KSR2: variants seen among roughly 807,000 people sequenced by gnomAD.
KSR2 encodes kinase suppressor of ras 2.
A neutral mutation model predicts 107.8 loss-of-function variants in KSR2; 25 were observed. That is an observed-to-expected ratio of 0.23 (90% confidence interval 0.17 to 0.32). The LOEUF is 0.32. KSR2 is among the 10% of genes least tolerant of loss of function. KSR2 has a pLI of 1.00. For missense variants in KSR2, 887 were observed against 1,268.9 expected, an observed-to-expected ratio of 0.70 and a Z score of 4.57; for synonymous variants, 480 against 507.0, an observed-to-expected ratio of 0.95 and a Z score of 0.71.
chr12:117,924,126 C>T (rs948638650), intron 1 of KSR2, among the ~76,000 whole-genome samples: 7 of 151,640 alleles, frequency 4.6e-5, no homozygotes, highest in African/African-American at 1.7e-4. Flanking sequence ...GATCCTCCCA[C>T]CTCGGCCTCC....
chr12:117,698,648 C>T (rs1229597335), intron 4 of KSR2, among the ~76,000 whole-genome samples: 1 of 152,042 alleles, frequency 6.6e-6, no homozygotes, highest in Non-Finnish European at 1.5e-5. Flanking sequence ...TTAATCATTA[C>T]ATCTGTCATC....
At chr12:117,517,809 GC>G (rs1389110596) in intron 14 of KSR2, 2 of 455,184 alleles carry the variant, frequency 4.4e-6, no homozygotes, top group South Asian at 1.6e-5. Flanking sequence ...ATGTGCTCAG[GC>G]CCCCCAACTC....
At chr12:117,898,835 A>G (rs1396708939) in intron 1 of KSR2, among the ~76,000 whole-genome samples, 1 of 152,212 alleles carries the variant, frequency 6.6e-6, no homozygotes, top group Admixed American at 6.5e-5. Context: ...ATAGAAAGAC[A>G]AACATCACAT....
intron 1 of KSR2, among the ~76,000 whole-genome samples, chr12:117,948,382 C>T (rs985895575): frequency 9.9e-5 from 15 of 151,744 alleles, no homozygotes; most frequent in East Asian, 7.7e-4. Context: ...CCCAGCTACT[C>T]GGGAGGCTGA....
At chr12:117,957,768 C>CACAA (rs1157018773) in intron 1 of KSR2, among the ~76,000 whole-genome samples, 6 of 150,814 alleles carry the variant, frequency 4.0e-5, no homozygotes, top group Non-Finnish European at 8.9e-5. Context: ...CACACACACA[C>CACAA]ACACGCACAC....
At chr12:117,694,399 C>T (rs1885963415) in intron 4 of KSR2, among the ~76,000 whole-genome samples, 1 of 152,158 alleles carries the variant, frequency 6.6e-6, no homozygotes, top group Non-Finnish European at 1.5e-5. Flanking sequence ...GACTTTGCTC[C>T]TCCTTTGTCT....
chr12:117,764,458 C>G (rs1261380352), intron 3 of KSR2, among the ~76,000 whole-genome samples: 1 of 152,018 alleles, frequency 6.6e-6, no homozygotes, highest in Non-Finnish European at 1.5e-5. Context: ...TAACTGGCAG[C>G]CAGATTCAAA....
intron 3 of KSR2, among the ~76,000 whole-genome samples, chr12:117,833,976 A>T (rs7315865): frequency 0.12 from 17,398 of 150,154 alleles, 2,948 homozygotes; most frequent in African/African-American, 0.37. Context: ...AAAAAAAAAA[A>T]TTTTCATTAA....
At chr12:117,779,094 C>G (rs1299518531) in intron 3 of KSR2, among the ~76,000 whole-genome samples, 1 of 152,112 alleles carries the variant, frequency 6.6e-6, no homozygotes. Context: ...GCTTATGAAG[C>G]CTTCAGAGCC....
At chr12:117,803,738 T>A (rs2137029161) in intron 3 of KSR2, among the ~76,000 whole-genome samples, 1 of 151,848 alleles carries the variant, frequency 6.6e-6, no homozygotes, top group South Asian at 2.1e-4. Flanking sequence ...AAGAAAAGAG[T>A]TGAAATTTAT....
intron 3 of KSR2, among the ~76,000 whole-genome samples, chr12:117,781,134 G>A (rs894760289): frequency 9.9e-5 from 15 of 152,176 alleles, no homozygotes; most frequent in Admixed American, 2.0e-4. Flanking sequence ...ATAAATGGGA[G>A]TTCCCCTGCA....
intron 5 of KSR2, among the ~76,000 whole-genome samples, chr12:117,662,968 A>G (rs1040878750): frequency 1.3e-5 from 2 of 152,172 alleles, no homozygotes; most frequent in Non-Finnish European, 2.9e-5. Flanking sequence ...CCCTACGGGG[A>G]TGGCTACAAC....
At chr12:117,602,657 T>G (rs904749463) in intron 5 of KSR2, among the ~76,000 whole-genome samples, 1 of 152,264 alleles carries the variant, frequency 6.6e-6, no homozygotes, top group African/African-American at 2.4e-5. Flanking sequence ...CATCTGTTGA[T>G]GAGCACTTGT....
In KSR2 at chr12:117,462,271, G is replaced by A. The variant is rs1284309283; in HGVS notation, c.*4928C>T. On this transcript the variant is annotated 3_prime_UTR_variant, in exon 20 of 20. Transcript: ENST00000339824. ...AAAAAAAAAAAAAAGACATGTTGAA[G>A]TCCTCATTCCTAGTACCTCAGAATG... 1.5e-5 allele frequency: 2 copies of A among 137,170 alleles called. No individual in the cohort carries two copies. Among genetic ancestry groups the A allele is most frequent in the African/African-American group, 2.7e-5 (1 of 37,042 alleles). 8.5% of individuals were successfully genotyped at this position (137,170 alleles called of 1,614,324 possible).
chr12:117,473,614 C>A (rs562285566), intron 17 of KSR2, among the ~76,000 whole-genome samples: 2 of 152,180 alleles, frequency 1.3e-5, no homozygotes, highest in African/African-American at 4.8e-5. Flanking sequence ...ACTCATCCAC[C>A]ACTCATGTGA....
chr12:117,570,117 C>T (rs1313351150), intron 7 of KSR2, among the ~76,000 whole-genome samples: 4 of 152,194 alleles, frequency 2.6e-5, no homozygotes, highest in African/African-American at 9.7e-5. Context: ...ATTCTCCTGC[C>T]TCAGCCTCCC....
chr12:117,601,107 T>C (rs974354528), intron 5 of KSR2, among the ~76,000 whole-genome samples: 1 of 152,174 alleles, frequency 6.6e-6, no homozygotes, highest in African/African-American at 2.4e-5. Flanking sequence ...TTCTGCTACT[T>C]GTCAGCTATA....
intron 7 of KSR2, among the ~76,000 whole-genome samples, chr12:117,558,837 G>A (rs1271029029): frequency 6.6e-6 from 1 of 151,780 alleles, no homozygotes; most frequent in Non-Finnish European, 1.5e-5. Flanking sequence ...TAGATTGATA[G>A]GTGGCTGGAC....
At chr12:117,923,766 C>T (rs1054316507) in intron 1 of KSR2, among the ~76,000 whole-genome samples, 7 of 151,848 alleles carry the variant, frequency 4.6e-5, no homozygotes, top group Admixed American at 3.9e-4. Context: ...AATCTATAAA[C>T]ATAATGAAAC....
Sources: gnomAD v4.1 joint callset for allele counts (sites outside exome capture counted in the v4.1 genomes callset) on GRCh38, gnomAD v4.1.1 for gene constraint, MANE v1.5 for transcripts, NCBI Gene and HGNC (gene_info 2026-07-23, HGNC 2026-07-21) for gene names.